ATRNL1: variants seen among roughly 807,000 people sequenced by gnomAD.
ATRNL1 encodes attractin like 1.
In ATRNL1, 95 loss-of-function variants were observed where a neutral mutation model predicts 182.7. That is an observed-to-expected ratio of 0.52 (90% CI 0.44 to 0.62). ATRNL1 has a LOEUF of 0.62. ATRNL1 is among the 20% of genes least tolerant of loss of function. ATRNL1 has a pLI of 0.00. For synonymous variants in ATRNL1, 576 were observed against 568.3 expected (o/e 1.01, Z -0.19); for missense variants, 1,471 against 1,679.5 (o/e 0.88, Z 2.17).
chr10:115,503,175 C>A (rs1554980481), intron 24 of ATRNL1, among the ~76,000 whole-genome samples: 1 of 152,020 alleles, frequency 6.6e-6, no homozygotes, highest in African/African-American at 2.4e-5. Flanking sequence ...TATGTAATAA[C>A]CTTAATTAAA....
At chr10:115,478,870 AAT>A (rs1491254822) in intron 24 of ATRNL1, among the ~76,000 whole-genome samples, 42 of 151,742 alleles carry the variant, frequency 2.8e-4, no homozygotes, top group Admixed American at 2.4e-3. Flanking sequence ...TATGTTATCA[AAT>A]ATGTTTTCAC....
At chr10:115,639,867 T>C (rs1463339665) in intron 26 of ATRNL1, among the ~76,000 whole-genome samples, 3 of 152,066 alleles carry the variant, frequency 2.0e-5, no homozygotes, top group Admixed American at 6.6e-5. Flanking sequence ...GTTTGTTACA[T>C]AGGTATATAC....
At chr10:115,163,865 A>G (rs1360738122) in intron 6 of ATRNL1, among the ~76,000 whole-genome samples, 1 of 152,146 alleles carries the variant, frequency 6.6e-6, no homozygotes, top group Admixed American at 6.6e-5. Flanking sequence ...TGTGGAAGTT[A>G]TGTTCTGATT....
Position 115,334,429 on chromosome 10 carries a change from T to A in ATRNL1, c.3175+10T>A. ...GGTGGACAGTGCACAGGTAAGTTTC[T>A]TTTAAGCAAATTTTGGTGTATTTTT... On this transcript the variant is annotated intron_variant, in intron 19 of 28. Transcript: ENST00000355044. 1 of 1,512,784 alleles carries A rather than the reference T, an allele frequency of 6.6e-7. No homozygotes were observed. The highest frequency in any genetic ancestry group is 8.9e-7 in the Non-Finnish European group (1 of 1,120,820). The allele number at this position is 1,512,784 out of a possible 1,614,324, so 93.7% of individuals were successfully genotyped here.
At chr10:115,710,850 A>G (rs1420133274) in intron 26 of ATRNL1, among the ~76,000 whole-genome samples, 2 of 152,122 alleles carry the variant, frequency 1.3e-5, no homozygotes, top group Non-Finnish European at 2.9e-5. Context: ...GGTATTAGAA[A>G]GGGTAAAGCT....
At chr10:115,876,923 C>A (rs76201225) in intron 28 of ATRNL1, among the ~76,000 whole-genome samples, 2,674 of 152,214 alleles carry the variant, frequency 0.018, 66 homozygotes, top group African/African-American at 0.05. Flanking sequence ...TTCAGCCAAA[C>A]AATTTATCTA....
chr10:115,386,221 C>T (rs1437062139), intron 19 of ATRNL1, among the ~76,000 whole-genome samples: 1 of 151,994 alleles, frequency 6.6e-6, no homozygotes, highest in Non-Finnish European at 1.5e-5. Context: ...ATTTAAAAAT[C>T]CTTTCAGTAG....
chr10:115,536,482 G>C (rs182824706), intron 25 of ATRNL1, among the ~76,000 whole-genome samples: 4 of 152,226 alleles, frequency 2.6e-5, no homozygotes, highest in Non-Finnish European at 5.9e-5. Flanking sequence ...GTATTGGGGT[G>C]GGCTTGACCT....
chr10:115,423,124 C>T (rs950735594), intron 20 of ATRNL1, among the ~76,000 whole-genome samples: 5 of 152,052 alleles, frequency 3.3e-5, no homozygotes, highest in East Asian at 1.9e-4. Flanking sequence ...ATGATAAATC[C>T]GTGAGGTGAT....
At chr10:115,742,253 G>T (rs1948160612) in intron 27 of ATRNL1, among the ~76,000 whole-genome samples, 1 of 151,918 alleles carries the variant, frequency 6.6e-6, no homozygotes, top group South Asian at 2.1e-4. Flanking sequence ...TTTTGGGGAA[G>T]AAATATTCAA....
At chr10:115,331,704 T>G (rs1855232290) in intron 18 of ATRNL1, among the ~76,000 whole-genome samples, 1 of 152,216 alleles carries the variant, frequency 6.6e-6, no homozygotes, top group African/African-American at 2.4e-5. Flanking sequence ...GATTTGTTTG[T>G]GACTGCTCTG....
chr10:115,218,261 G>A (rs139787698), intron 9 of ATRNL1, among the ~76,000 whole-genome samples: 206 of 151,984 alleles, frequency 1.4e-3, no homozygotes, highest in African/African-American at 4.7e-3. Flanking sequence ...TCTCATTTTG[G>A]TTGCTGTCAC....
At chr10:115,557,719 A>G (rs1345085542) in intron 26 of ATRNL1, among the ~76,000 whole-genome samples, 4 of 152,150 alleles carry the variant, frequency 2.6e-5, no homozygotes, top group Admixed American at 1.3e-4. Flanking sequence ...TATTCTCCAG[A>G]CAAACAACGC....
intron 19 of ATRNL1, among the ~76,000 whole-genome samples, chr10:115,337,129 G>GC (rs1855527770): frequency 6.6e-6 from 1 of 151,728 alleles, no homozygotes; most frequent in Non-Finnish European, 1.5e-5. Context: ...CCAAAGTGCT[G>GC]TGGTTACAGG....
chr10:115,492,708 A>G (rs1443512818), intron 24 of ATRNL1, among the ~76,000 whole-genome samples: 3 of 146,064 alleles, frequency 2.1e-5, no homozygotes, highest in African/African-American at 7.7e-5. Context: ...TAGTGGCACA[A>G]TCTTGGCCCA....
chr10:115,333,083 A>G (rs11197168), intron 18 of ATRNL1, among the ~76,000 whole-genome samples: 34,993 of 152,168 alleles, frequency 0.23, 5,125 homozygotes, highest in Non-Finnish European at 0.33. Flanking sequence ...ACAGATACCA[A>G]CTACAAACAA....
intron 19 of ATRNL1, among the ~76,000 whole-genome samples, chr10:115,383,692 A>T (rs1592568148): frequency 6.6e-6 from 1 of 152,116 alleles, no homozygotes; most frequent in South Asian, 2.1e-4. Context: ...ATATTCAGAA[A>T]TATATTTTAA....
chr10:115,302,694 T>A lies in ATRNL1; in HGVS notation c.2818+651T>A, dbSNP rs145860796. Among the ~76,000 whole-genome samples the A allele has an allele frequency of 4.9e-3, 750 of 152,292 alleles. 4 individuals carry two copies. Among genetic ancestry groups the A allele is most frequent in the African/African-American group, 0.016 (662 of 41,552 alleles). On this transcript the variant is annotated intron_variant, in intron 17 of 28. Coordinates refer to ENST00000355044, the MANE Select transcript of ATRNL1 (RefSeq NM_207303.4). Reference sequence around the variant, plus strand: ...TTTTCTAAGGACTATAGGATAAGGCTGCACCTGAATGAATATTTAATACTG... The same window carrying A: ...TTTTCTAAGGACTATAGGATAAGGCAGCACCTGAATGAATATTTAATACTG...
chr10:115,557,786 C>A (rs781995933), intron 26 of ATRNL1, among the ~76,000 whole-genome samples: 3 of 152,120 alleles, frequency 2.0e-5, no homozygotes, highest in Non-Finnish European at 4.4e-5. Flanking sequence ...GTGGCTCATG[C>A]CTGTAATCCC....
Sources: gnomAD v4.1 joint callset for allele counts (sites outside exome capture counted in the v4.1 genomes callset) on GRCh38, gnomAD v4.1.1 for gene constraint, MANE v1.5 for transcripts, NCBI Gene and HGNC (gene_info 2026-07-23, HGNC 2026-07-21) for gene names.